The following PPP3CB variants were observed in gnomAD, a reference collection of about 807,000 sequenced individuals.
PPP3CB encodes serine/threonine-protein phosphatase 2B catalytic subunit beta isoform.
PPP3CB carries 8 observed loss-of-function variants against 66.4 expected under a neutral mutation model. That is an observed-to-expected ratio of 0.12 (90% confidence interval 0.07 to 0.22). The LOEUF (loss-of-function observed/expected upper bound fraction) is 0.22, where lower values mean the gene tolerates loss of function less well. Ranked by LOEUF, PPP3CB falls within the 10% of genes least tolerant of loss-of-function variation. The pLI, the probability that PPP3CB is intolerant of heterozygous loss-of-function variation, is 1.00. For missense variants in PPP3CB, 319 were observed against 642.5 expected, an observed-to-expected ratio of 0.50 and a Z score of 5.44; for synonymous variants, 208 against 221.2, an observed-to-expected ratio of 0.94 and a Z score of 0.53.
chr10:73,440,689 G>GA (rs2056129678), intron 12 of PPP3CB, among the ~76,000 whole-genome samples: 1 of 152,064 alleles, frequency 6.6e-6, no homozygotes, highest in Non-Finnish European at 1.5e-5. Flanking sequence ...ATTTGCCTCA[G>GA]AAAAAGACTA....
chr10:73,474,794 G>A, intron 4 of PPP3CB, 125 bp downstream of exon 4: 1 of 1,378,400 alleles, frequency 7.3e-7, no homozygotes. Flanking sequence ...TTTCCTCAAA[G>A]CTTTATGTGT....
intron 1 of PPP3CB, among the ~76,000 whole-genome samples, chr10:73,482,282 C>T (rs568674435): frequency 1.5e-4 from 23 of 151,386 alleles, no homozygotes; most frequent in Non-Finnish European, 2.8e-4. Context: ...CAGTGGCTCA[C>T]GCCTGTAATC....
chr10:73,437,071 G>A lies in PPP3CB; in HGVS notation c.*1171C>T, dbSNP rs1057377050. 2.6e-5 allele frequency: 4 copies of A among 152,632 alleles called. No homozygotes were observed. The highest frequency in any genetic ancestry group is 9.6e-5 in the African/African-American group (4 of 41,454). 9.5% of individuals were successfully genotyped at this position (152,632 alleles called of 1,614,324 possible). A position where few individuals can be genotyped will look rare whatever the true frequency, so the allele number is the denominator to read the frequency against. ...AATAATTGTGAAAAATTAGCACATG[G>A]TTCCATTTAGTTTAACCAAGCAGTT... On this transcript the variant is annotated 3_prime_UTR_variant, in exon 14 of 14. Transcript: ENST00000360663.
chr10:73,456,468 T>TA (rs2056429183), intron 9 of PPP3CB, among the ~76,000 whole-genome samples: 2 of 152,118 alleles, frequency 1.3e-5, no homozygotes, highest in Non-Finnish European at 1.5e-5. Flanking sequence ...AAACAGAAGT[T>TA]AAAAAAGTGA....
intron 1 of PPP3CB, among the ~76,000 whole-genome samples, chr10:73,489,292 C>G (rs2057034623): frequency 6.6e-6 from 1 of 152,112 alleles, no homozygotes; most frequent in Non-Finnish European, 1.5e-5. Flanking sequence ...CATTAATCTT[C>G]TAATTAGACA....
At position 73,470,745 on chromosome 10, in the gene PPP3CB, G is replaced by A. The variant is rs577736745; in HGVS notation, c.924C>T (p.Phe308=). The A allele has an allele frequency of 1.1e-5, 17 of 1,604,734 alleles. No homozygotes were observed. The Middle Eastern group carries it at 5.0e-4, about 47-fold the overall frequency. The stretch of plus-strand genomic sequence containing the variant: ...CCGAAAAAATTGTTATTAATGAAGG[G>A]AACCCTGTAGTTTGACTTTTTCTGT... The part of the protein sequence containing the change: ...RMYRKSQTTG[F]PSLITIFSAP... Residue 308 remains phenylalanine, a synonymous_variant, in exon 8 of 14, where the codon TTC becomes TTT. Coordinates refer to ENST00000360663, the MANE Select transcript of PPP3CB (RefSeq NM_021132.4).
chr10:73,481,625 T>TAAAAAAAACAAA (rs1554825491), intron 1 of PPP3CB, among the ~76,000 whole-genome samples: 1 of 138,654 alleles, frequency 7.2e-6, no homozygotes, highest in African/African-American at 2.7e-5. Context: ...TTAAAGTAAC[T>TAAAAAAAACAAA]AAAAAAAAAC....
intron 4 of PPP3CB, among the ~76,000 whole-genome samples, chr10:73,473,556 A>T (rs2056737170): frequency 6.6e-6 from 1 of 152,050 alleles, no homozygotes; most frequent in South Asian, 2.1e-4. Context: ...TTGGGAGGCT[A>T]AGGCAGGAGA....
chr10:73,449,010 A>G (rs182714012), intron 10 of PPP3CB, among the ~76,000 whole-genome samples: 441 of 152,352 alleles, frequency 2.9e-3, no homozygotes, highest in African/African-American at 9.3e-3. Context: ...GTGAAAACAC[A>G]TAAGACTGAA....
chr10:73,462,015 C>T (rs1050982848), intron 9 of PPP3CB, among the ~76,000 whole-genome samples: 3 of 152,038 alleles, frequency 2.0e-5, no homozygotes, highest in East Asian at 1.9e-4. Context: ...GCTCTCACCA[C>T]GTGAAGTGCC....
chr10:73,471,000 G>A, intron 6 of PPP3CB, 36 bp from the exon 7 acceptor site: 1 of 1,605,578 alleles, frequency 6.2e-7, no homozygotes, highest in Non-Finnish European at 8.5e-7. Context: ...GTAAAATAAT[G>A]GCTTTTCTGT....
At chr10:73,470,215 C>T (rs1357711976) in intron 8 of PPP3CB, among the ~76,000 whole-genome samples, 1 of 151,916 alleles carries the variant, frequency 6.6e-6, no homozygotes, top group Non-Finnish European at 1.5e-5. Context: ...TACAAATCTT[C>T]ATGGGGCAGT....
chr10:73,452,455 G>A (rs1171447826), intron 10 of PPP3CB, among the ~76,000 whole-genome samples: 1 of 152,096 alleles, frequency 6.6e-6, no homozygotes, highest in East Asian at 1.9e-4. Context: ...TAACACTTTG[G>A]GAGGCAGAGG....
chr10:73,456,414 T>C (rs1018891412), intron 9 of PPP3CB, among the ~76,000 whole-genome samples: 1 of 152,198 alleles, frequency 6.6e-6, no homozygotes, highest in African/African-American at 2.4e-5. Flanking sequence ...AGAGGAATCA[T>C]GAACTAGGAG....
At chr10:73,480,440 ATTTTT>A (rs57553384) in intron 1 of PPP3CB, among the ~76,000 whole-genome samples, 16 of 123,916 alleles carry the variant, frequency 1.3e-4, no homozygotes, top group African/African-American at 4.0e-4. Context: ...TATCCCTGTA[ATTTTT>A]TTTTTTTTTT....
chr10:73,446,689 G>T, intron 10 of PPP3CB, 116 bp from the exon 11 acceptor site: 1 of 913,654 alleles, frequency 1.1e-6, no homozygotes, highest in Non-Finnish European at 1.7e-6. Context: ...CCTGCCACCA[G>T]CTTACATGGA....
rs1238154923 is a variant in PPP3CB, at chr10:73,438,206, G to C, written c.*36C>G. ...GCTCCTCGGGTGATCTGTCCATTTG[G>C]GGCCCGAGATGTGAGAGTCCCTGGG... On this transcript the variant is annotated 3_prime_UTR_variant, in exon 14 of 14. Coordinates refer to ENST00000360663, the MANE Select transcript of PPP3CB (RefSeq NM_021132.4). 1 of 1,593,152 alleles carries C rather than the reference G, an allele frequency of 6.3e-7. No homozygotes were observed. The highest frequency in any genetic ancestry group is 1.9e-4 in the Middle Eastern group (1 of 5,276).
chr10:73,488,023 C>T (rs1005074780), intron 1 of PPP3CB, among the ~76,000 whole-genome samples: 4 of 151,800 alleles, frequency 2.6e-5, no homozygotes, highest in Non-Finnish European at 5.9e-5. Flanking sequence ...TCAAGTGATC[C>T]GCCCGCCTCC....
At chr10:73,444,887 T>C (rs181611169) in intron 11 of PPP3CB, 65 bp from the exon 12 acceptor site, 74 of 1,519,956 alleles carry the variant, frequency 4.9e-5, no homozygotes, top group East Asian at 2.1e-4. Flanking sequence ...AAAGAAGACA[T>C]AGGGTCTAGA....
Sources: allele counts gnomAD v4.1 joint callset (sites outside exome capture counted in the v4.1 genomes callset), GRCh38; gene constraint gnomAD v4.1.1; transcripts MANE v1.5; gene names NCBI Gene and HGNC (gene_info 2026-07-23, HGNC 2026-07-21).